The following FARP1 variants were observed in gnomAD, a reference collection of about 807,000 sequenced individuals.
The protein encoded by FARP1 is FERM, ARHGEF and pleckstrin domain-containing protein 1.
In FARP1, 52 loss-of-function variants were observed where a neutral mutation model predicts 128.8. The observed-to-expected ratio is 0.40, with a 90% CI of 0.32 to 0.51. The LOEUF (loss-of-function observed/expected upper bound fraction) is 0.51, where lower values mean the gene tolerates loss of function less well. FARP1 is among the 20% of genes least tolerant of loss of function. The probability of loss-of-function intolerance (pLI) is 0.45; values close to 1 mark genes in which losing one functional copy is unlikely to be tolerated. For missense variants in FARP1, 1,333 were observed against 1,367.9 expected, an observed-to-expected ratio of 0.97 and a Z score of 0.40; for synonymous variants, 580 against 551.8, an observed-to-expected ratio of 1.05 and a Z score of -0.72.
chr13:98,432,173 A>G (rs1892057710), intron 18 of FARP1: 2 of 152,358 alleles, frequency 1.3e-5, no homozygotes, highest in South Asian at 4.1e-4. Flanking sequence ...ACCTAAATCT[A>G]GAACCCATGG....
At chr13:98,420,049 C>A (rs929144504) in intron 16 of FARP1, among the ~76,000 whole-genome samples, 34 of 152,156 alleles carry the variant, frequency 2.2e-4, no homozygotes, top group African/African-American at 8.2e-4. Flanking sequence ...AACACGCCCT[C>A]TCAGAGGGAG....
intron 3 of FARP1, among the ~76,000 whole-genome samples, chr13:98,348,571 G>A (rs952262214): frequency 3.3e-5 from 5 of 152,256 alleles, no homozygotes; most frequent in African/African-American, 1.2e-4. Flanking sequence ...CCTGGCTGAA[G>A]TTCAGGCCTG....
rs1421199405 is a variant in FARP1 at position 98,449,885 on chromosome 13, C to G, written c.*1568C>G. ...AGTGACACAGGGAGGGCCTGCCCCC[C>G]ACTGTTCCCTATGCTCCCCCCACCT... On this transcript the variant is annotated 3_prime_UTR_variant, in exon 27 of 27. Coordinates refer to ENST00000319562, the MANE Select transcript of FARP1 (RefSeq NM_005766.4). 1 of 152,334 alleles carries G rather than the reference C, an allele frequency of 6.6e-6. No homozygotes were observed. The highest frequency in any genetic ancestry group is 1.5e-5 in the Non-Finnish European group (1 of 68,096). The allele number at this position is 152,334 out of a possible 1,614,324, so 9.4% of individuals were successfully genotyped here.
intron 17 of FARP1, among the ~76,000 whole-genome samples, chr13:98,430,462 C>T (rs1191418460): frequency 6.6e-6 from 1 of 152,180 alleles, no homozygotes; most frequent in Admixed American, 6.5e-5. Context: ...TCCTTTAATG[C>T]TCTGTCATCC....
At chr13:98,163,411 C>T (rs994573212) in intron 1 of FARP1, among the ~76,000 whole-genome samples, 4 of 152,026 alleles carry the variant, frequency 2.6e-5, no homozygotes, top group East Asian at 1.9e-4. Flanking sequence ...ATGAGTTTAC[C>T]TATATAACAA....
rs1891793593 is a variant in FARP1, at chr13:98,426,499, TAATA to T, written c.1905+1855_1905+1858del. Among the ~76,000 whole-genome samples, 5 of 151,964 alleles carry T rather than the reference TAATA, an allele frequency of 3.3e-5. No individual in the cohort carries two copies. The South Asian group carries it at 1.0e-3, about 32-fold the overall frequency. The stretch of plus-strand genomic sequence containing the variant: ...AGCAAGACCCTGTCTCAAAAATAAA[TAATA>T]AATAAGCAAAGATGAATCTCGTGAG... On this transcript the variant is annotated intron_variant, in intron 17 of 26. Transcript: ENST00000319562.
chr13:98,215,873 C>T (rs141084433), intron 2 of FARP1, among the ~76,000 whole-genome samples: 1 of 151,978 alleles, frequency 6.6e-6, no homozygotes, highest in East Asian at 1.9e-4. Context: ...TCATTGCAAA[C>T]TCCTCCACCT....
chr13:98,319,345 G>A (rs1886888324), intron 2 of FARP1, among the ~76,000 whole-genome samples: 1 of 152,132 alleles, frequency 6.6e-6, no homozygotes, highest in African/African-American at 2.4e-5. Context: ...CGTCAGCCAG[G>A]TGCAGTGGCT....
upstream of FARP1, chr13:98,142,912 C>T (rs1344975825): frequency 2.0e-5 from 3 of 151,512 alleles, no homozygotes; most frequent in Non-Finnish European, 4.4e-5. Context: ...GCGCGCTGGG[C>T]TCGGGAGGCC....
chr13:98,348,062 G>A (rs1888253345), intron 3 of FARP1, among the ~76,000 whole-genome samples: 1 of 152,214 alleles, frequency 6.6e-6, no homozygotes, highest in Admixed American at 6.5e-5. Flanking sequence ...AGGAGTTTAA[G>A]GGGAAAATAA....
chr13:98,343,223 A>G (rs1167848549), intron 2 of FARP1, among the ~76,000 whole-genome samples: 1 of 152,140 alleles, frequency 6.6e-6, no homozygotes, highest in African/African-American at 2.4e-5. Context: ...TGGAACACAG[A>G]GGAGTTTTAG....
At chr13:98,166,426 G>GA (rs577857663) in intron 1 of FARP1, among the ~76,000 whole-genome samples, 2 of 152,184 alleles carry the variant, frequency 1.3e-5, no homozygotes, top group Non-Finnish European at 2.9e-5. Flanking sequence ...CTTTGTGCTA[G>GA]AAACTATATC....
chr13:98,360,035 T>C (rs1888801192), intron 3 of FARP1, among the ~76,000 whole-genome samples: 1 of 152,036 alleles, frequency 6.6e-6, no homozygotes, highest in African/African-American at 2.4e-5. Flanking sequence ...ATTGTGTGTG[T>C]TGAAACCCTA....
intron 24 of FARP1, among the ~76,000 whole-genome samples, chr13:98,443,292 G>T (rs1403518040): frequency 6.6e-6 from 1 of 152,224 alleles, no homozygotes; most frequent in Non-Finnish European, 1.5e-5. Context: ...GGGTTTGAAG[G>T]TGGCAGTGAC....
At chr13:98,262,915 A>C (rs1177700935) in intron 2 of FARP1, among the ~76,000 whole-genome samples, 2 of 152,184 alleles carry the variant, frequency 1.3e-5, no homozygotes, top group African/African-American at 4.8e-5. Context: ...TAACATTTAT[A>C]AAGAGGAGTT....
intron 13 of FARP1, 44 bp downstream of exon 13, chr13:98,395,520 T>C: frequency 6.5e-7 from 1 of 1,532,528 alleles, no homozygotes. Context: ...CTTCCATTCC[T>C]TTCATTGACT....
chr13:98,337,009 G>A (rs1172926544), intron 2 of FARP1, among the ~76,000 whole-genome samples: 1 of 151,520 alleles, frequency 6.6e-6, no homozygotes, highest in East Asian at 1.9e-4. Context: ...TGGTTTCTTA[G>A]AGCTGATGGG....
intron 3 of FARP1, among the ~76,000 whole-genome samples, chr13:98,364,862 G>A (rs1393429620): frequency 6.6e-6 from 1 of 152,198 alleles, no homozygotes; most frequent in African/African-American, 2.4e-5. Context: ...GCCTCTGCAA[G>A]TCTCAGATGT....
In FARP1 at chr13:98,452,478, A is replaced by G. The variant is rs1313755846; in HGVS notation, c.*4161A>G. 1.3e-5 allele frequency: 2 copies of G among 152,670 alleles called. No homozygotes were observed. Among genetic ancestry groups the G allele is most frequent in the African/African-American group, 4.8e-5 (2 of 41,450 alleles). 9.5% of individuals were successfully genotyped at this position (152,670 alleles called of 1,614,324 possible). On this transcript the variant is annotated 3_prime_UTR_variant, in exon 27 of 27. Transcript: ENST00000319562. ...CGTAGGGCAAACGGGGAAAATTTGCATTTGTTGAGGTACAAATAGGAGTGT... is the reference window on the plus strand; with the variant it reads ...CGTAGGGCAAACGGGGAAAATTTGCGTTTGTTGAGGTACAAATAGGAGTGT...
Sources: allele counts gnomAD v4.1 joint callset (sites outside exome capture counted in the v4.1 genomes callset), GRCh38; gene constraint gnomAD v4.1.1; transcripts MANE v1.5; gene names NCBI Gene and HGNC (gene_info 2026-07-23, HGNC 2026-07-21).